The following FBXL4 variants were observed in gnomAD, a reference collection of about 807,000 sequenced individuals.
The protein encoded by FBXL4 is F-box/LRR-repeat protein 4.
A neutral mutation model predicts 58.9 loss-of-function variants in FBXL4; 40 were observed. The observed-to-expected ratio is 0.68, with a 90% CI of 0.53 to 0.88. The LOEUF is 0.88. Ranked by LOEUF, FBXL4 falls within the 40% of genes least tolerant of loss-of-function variation. The probability of loss-of-function intolerance (pLI) is 0.00; values close to 1 mark genes in which losing one functional copy is unlikely to be tolerated. For synonymous variants in FBXL4, 263 were observed against 265.5 expected, an observed-to-expected ratio of 0.99 and a Z score of 0.09; for missense variants, 676 against 734.4, an observed-to-expected ratio of 0.92 and a Z score of 0.92.
intron 4 of FBXL4, among the ~76,000 whole-genome samples, chr6:98,926,048 C>A (rs1035746846): frequency 6.6e-6 from 1 of 152,096 alleles, no homozygotes; most frequent in Non-Finnish European, 1.5e-5. Flanking sequence ...ATTCAACTAA[C>A]GTTAAACCAA....
intron 7 of FBXL4, among the ~76,000 whole-genome samples, chr6:98,896,041 C>A (rs947027749): frequency 6.6e-6 from 1 of 152,020 alleles, no homozygotes; most frequent in Non-Finnish European, 1.5e-5. Context: ...AACAAAATAA[C>A]CTCTCCAAGA....
chr6:98,881,687 C>A (rs995577466), intron 7 of FBXL4, among the ~76,000 whole-genome samples: 3 of 151,902 alleles, frequency 2.0e-5, no homozygotes, highest in Admixed American at 6.6e-5. Context: ...TTACAATAGG[C>A]CACAGAGGAC....
chr6:98,926,572 A>C lies in FBXL4; in HGVS notation c.417T>G (p.Ala139=). The C allele has an allele frequency of 6.2e-7, 1 of 1,614,190 alleles. No homozygotes were observed. The highest frequency in any genetic ancestry group is 8.5e-7 in the Non-Finnish European group (1 of 1,180,016). The change falls in exon 4 of 10, where the codon GCT becomes GCG. Residue 139 remains alanine (A), a synonymous_variant. Coordinates refer to ENST00000369244, the MANE Select transcript of FBXL4 (RefSeq NM_001278716.2). The part of the protein sequence containing the change: ...LTFEQQVYPT[A]VHVLETYHPG... ...GATGATAGGTTTCTAGAACATGTAC[A>C]GCTGTAGGATACACCTGTTGTTCAA...
chr6:98,933,944 C>T (rs1773106432), intron 2 of FBXL4, among the ~76,000 whole-genome samples: 1 of 151,954 alleles, frequency 6.6e-6, no homozygotes, highest in Non-Finnish European at 1.5e-5. Context: ...AATTGAAGCG[C>T]AATAGGTAAG....
At chr6:98,944,891 A>G (rs1409145478) in intron 1 of FBXL4, among the ~76,000 whole-genome samples, 1 of 152,178 alleles carries the variant, frequency 6.6e-6, no homozygotes, top group Non-Finnish European at 1.5e-5. Flanking sequence ...GCAAATCAGC[A>G]TAAGATGATC....
intron 7 of FBXL4, among the ~76,000 whole-genome samples, chr6:98,893,022 GCT>G (rs1361682759): frequency 5.3e-5 from 8 of 152,130 alleles, no homozygotes. Context: ...TTTCCAGTCT[GCT>G]GCTAAGCAAC....
At chr6:98,947,257 A>T (rs1277727579) in intron 1 of FBXL4, among the ~76,000 whole-genome samples, 1 of 152,278 alleles carries the variant, frequency 6.6e-6, no homozygotes, top group Non-Finnish European at 1.5e-5. Flanking sequence ...GAGGCCAAGT[A>T]GATGGTCATC....
intron 2 of FBXL4, among the ~76,000 whole-genome samples, chr6:98,933,440 T>A (rs1773088768): frequency 2.0e-5 from 3 of 152,072 alleles, no homozygotes; most frequent in Admixed American, 2.0e-4. Context: ...CACCAGAACC[T>A]CCACCATGCC....
Position 98,905,422 on chromosome 6 carries a change from T to C in FBXL4, c.1103+4A>G, listed in dbSNP as rs1771766341. ...AAAAAACTTCATCAAGGCTTTGTAC[T>C]AACCTGCTAAATCCTGCAACAGAGA... On this transcript the variant is annotated splice_donor_region_variant and intron_variant, in intron 6 of 9. Transcript: ENST00000369244. 6.2e-7 allele frequency: 1 copy of C among 1,613,794 alleles called. No homozygotes were observed. Among genetic ancestry groups the C allele is most frequent in the Non-Finnish European group, 8.5e-7 (1 of 1,179,802 alleles).
At chr6:98,896,713 A>T in intron 7 of FBXL4, 1 of 837,556 alleles carries the variant, frequency 1.2e-6, no homozygotes, top group Non-Finnish European at 1.4e-6. Flanking sequence ...CAATAAAAAA[A>T]ATTTAATAGG....
chr6:98,937,101 G>A (rs773290261), intron 1 of FBXL4, among the ~76,000 whole-genome samples: 9 of 152,148 alleles, frequency 5.9e-5, no homozygotes, highest in Non-Finnish European at 1.3e-4. Context: ...CCAGAGGTCA[G>A]GAGTTTGAGA....
chr6:98,905,701 A>T (rs1262422156), intron 5 of FBXL4, 31 bp from the exon 6 acceptor site: 3 of 1,605,382 alleles, frequency 1.9e-6, no homozygotes, highest in Non-Finnish European at 2.6e-6. Flanking sequence ...AAGATCATCA[A>T]GAGTGAAAAG....
At chr6:98,897,411 C>A (rs1414230080) in intron 7 of FBXL4, 1 of 923,046 alleles carries the variant, frequency 1.1e-6, no homozygotes, top group Non-Finnish European at 1.3e-6. Context: ...AATAAAAAAT[C>A]TGGAAATCTG....
At chr6:98,932,662 A>G (rs556204372) in intron 2 of FBXL4, among the ~76,000 whole-genome samples, 1 of 152,344 alleles carries the variant, frequency 6.6e-6, no homozygotes, top group East Asian at 1.9e-4. Flanking sequence ...TGTTAATAAA[A>G]TAACAAAGGC....
intron 6 of FBXL4, among the ~76,000 whole-genome samples, chr6:98,905,055 T>C (rs1194482471): frequency 1.3e-5 from 2 of 152,228 alleles, no homozygotes; most frequent in Admixed American, 6.5e-5. Context: ...TTGTTTTCCA[T>C]TTCTGACAAA....
intron 7 of FBXL4, among the ~76,000 whole-genome samples, chr6:98,889,693 A>G (rs1222689108): frequency 6.6e-6 from 1 of 151,514 alleles, no homozygotes; most frequent in East Asian, 1.9e-4. Context: ...AAAAAAAAAA[A>G]AAAACAATGG....
chr6:98,928,177 T>A (rs1046381117), intron 2 of FBXL4, among the ~76,000 whole-genome samples: 1 of 152,216 alleles, frequency 6.6e-6, no homozygotes, highest in South Asian at 2.1e-4. Flanking sequence ...CCACTCTCGT[T>A]CCCAGCCAGC....
In FBXL4 at chr6:98,905,568, T is replaced by C. The variant is rs765148228; in HGVS notation, c.961A>G (p.Ile321Val). Residue 321 changes from isoleucine to valine, a missense_variant, in exon 6 of 10, where the codon ATC becomes GTC. By Grantham distance (29) the Ile-to-Val change is conservative. Transcript: ENST00000369244. ...SQHCCDPLQYIHLNLQPYWAK... is the reference protein window; with the variant it reads ...SQHCCDPLQYVHLNLQPYWAK... The stretch of plus-strand genomic sequence containing the variant: ...CAGTATGGTTGCAGATTGAGGTGGA[T>C]GTATTGCAGAGGATCACAGCAATGC... 4.3e-6 allele frequency: 7 copies of C among 1,614,016 alleles called. No individual in the cohort carries two copies. The highest frequency in any genetic ancestry group is 1.7e-5 in the Admixed American group (1 of 59,998).
At chr6:98,888,868 GATTT>G (rs1390611102) in intron 7 of FBXL4, among the ~76,000 whole-genome samples, 2 of 152,142 alleles carry the variant, frequency 1.3e-5, no homozygotes, top group Non-Finnish European at 2.9e-5. Context: ...CATAAACAAT[GATTT>G]ATTTTACATT....
Sources: allele counts gnomAD v4.1 joint callset (sites outside exome capture counted in the v4.1 genomes callset), GRCh38; gene constraint gnomAD v4.1.1; transcripts MANE v1.5; gene names NCBI Gene and HGNC (gene_info 2026-07-23, HGNC 2026-07-21).